The following SORCS2 variants were observed in gnomAD, a reference collection of about 807,000 sequenced individuals.
SORCS2 encodes VPS10 domain-containing receptor SorCS2.
A neutral mutation model predicts 141.6 loss-of-function variants in SORCS2; 100 were observed. That is an observed-to-expected ratio of 0.71 (90% CI 0.60 to 0.83). The LOEUF (loss-of-function observed/expected upper bound fraction) is 0.83. Among genes scored for constraint, SORCS2 ranks in the 40% least tolerant of loss-of-function variants. The probability of loss-of-function intolerance (pLI) is 0.00; values close to 1 mark genes in which losing one functional copy is unlikely to be tolerated. For synonymous variants in SORCS2, 789 were observed against 676.9 expected (o/e 1.17, Z -2.57); for missense variants, 1,646 against 1,560.2 (o/e 1.05, Z -0.93).
At position 7,704,295 on chromosome 4, in the gene SORCS2, G is replaced by T. The variant is rs1280282854; in HGVS notation, c.1868+11G>T. On this transcript the variant is annotated intron_variant, in intron 14 of 26. Coordinates refer to ENST00000507866, the MANE Select transcript of SORCS2 (RefSeq NM_020777.3). ...GACGCTGGTCATGACGTGAGTGCGG[G>T]GACCGGGGAGTGGGCACTGGTGGCA... 12 of 1,600,094 alleles carry T rather than the reference G, an allele frequency of 7.5e-6. No individual in the cohort carries two copies. The highest frequency in any genetic ancestry group is 9.4e-6 in the Non-Finnish European group (11 of 1,173,194).
intron 1 of SORCS2, among the ~76,000 whole-genome samples, chr4:7,216,556 A>T (rs1728361556): frequency 6.6e-6 from 1 of 151,928 alleles, no homozygotes; most frequent in South Asian, 2.1e-4. Flanking sequence ...TCCAGGGGAG[A>T]TTGCCTGTCT....
intron 1 of SORCS2, among the ~76,000 whole-genome samples, chr4:7,370,219 T>A (rs1007402449): frequency 6.6e-6 from 1 of 152,200 alleles, no homozygotes; most frequent in African/African-American, 2.4e-5. Flanking sequence ...GGCAAGGCGC[T>A]TGGGCTCCCT....
intron 3 of SORCS2, among the ~76,000 whole-genome samples, chr4:7,633,641 A>G (rs545102748): frequency 2.6e-5 from 4 of 152,316 alleles, no homozygotes; most frequent in African/African-American, 9.6e-5. Flanking sequence ...TAAGTGGATG[A>G]GTTTTTTCTA....
chr4:7,434,346 C>T (rs61740031), intron 2 of SORCS2: 287,073 of 1,608,060 alleles, frequency 0.18, 26,783 homozygotes, highest in Middle Eastern at 0.29. Context: ...CTCCTTCAGG[C>T]GCCTGGCGGG....
chr4:7,724,169 G>GTGGTGGTGGTGATGGTGA (rs1726834299), intron 19 of SORCS2, among the ~76,000 whole-genome samples: 5 of 147,474 alleles, frequency 3.4e-5, no homozygotes, highest in South Asian at 2.2e-4. Flanking sequence ...GGTGATGGTG[G>GTGGTGGTGGTGATGGTGA]TGATGGTGAT....
chr4:7,716,668 CTATT>C (rs1325661259), intron 17 of SORCS2, among the ~76,000 whole-genome samples: 18 of 140,064 alleles, frequency 1.3e-4, no homozygotes, highest in African/African-American at 2.1e-4. Flanking sequence ...CACCATCTAT[CTATT>C]CATTCATTCA....
chr4:7,694,513 C>A (rs1308906888), intron 11 of SORCS2, among the ~76,000 whole-genome samples: 1 of 152,134 alleles, frequency 6.6e-6, no homozygotes, highest in African/African-American at 2.4e-5. Flanking sequence ...CAGACGTGTG[C>A]ACATTTGAAA....
intron 2 of SORCS2, among the ~76,000 whole-genome samples, chr4:7,435,366 G>A (rs1211451031): frequency 6.6e-6 from 1 of 152,200 alleles, no homozygotes; most frequent in Non-Finnish European, 1.5e-5. Flanking sequence ...GCTGAAGATC[G>A]AGTGTTCCCA....
chr4:7,646,147 C>A (rs57589146), intron 4 of SORCS2, among the ~76,000 whole-genome samples: 1 of 152,196 alleles, frequency 6.6e-6, no homozygotes, highest in African/African-American at 2.4e-5. Context: ...GCGGCTTAGC[C>A]GAGGAGCAGG....
At chr4:7,323,474 G>T (rs1038927137) in intron 1 of SORCS2, among the ~76,000 whole-genome samples, 2 of 152,164 alleles carry the variant, frequency 1.3e-5, no homozygotes, top group African/African-American at 4.8e-5. Context: ...TGATCCTGAG[G>T]AGACCACGTT....
Position 7,193,026 on chromosome 4 carries a change from C to T in SORCS2, c.380C>T (p.Ala127Val). The change falls in exon 1 of 27, where the codon GCT (alanine) becomes GTT (valine). Residue 127 changes from alanine to valine, a missense_variant. By Grantham distance (64) the Ala-to-Val change is moderately conservative (BLOSUM62 0). Coordinates refer to ENST00000507866, the MANE Select transcript of SORCS2 (RefSeq NM_020777.3). This position sits in a 1 kb window ranked among gnomAD's most constrained non-coding sequence, Gnocchi z 4.8. The part of the protein sequence containing the change: ...WERAAPLAGV[A>V]SRAQVSLIST... The stretch of plus-strand genomic sequence containing the variant: ...CGGGCGGCGCCGCTGGCCGGAGTGG[C>T]TTCGCGGGCGCAGGTCTCGCTCATC... 1 of 1,503,780 alleles carries T rather than the reference C, an allele frequency of 6.6e-7. No individual in the cohort carries two copies. Among genetic ancestry groups the T allele is most frequent in the Non-Finnish European group, 8.8e-7 (1 of 1,135,722 alleles). The allele number at this position is 1,503,780 out of a possible 1,614,324, so 93.2% of individuals were successfully genotyped here.
At chr4:7,393,300 C>G (rs904119556) in intron 1 of SORCS2, among the ~76,000 whole-genome samples, 2 of 152,154 alleles carry the variant, frequency 1.3e-5, no homozygotes, top group Non-Finnish European at 2.9e-5. Context: ...CTCACATTCC[C>G]GATTTTTCTC....
intron 2 of SORCS2, among the ~76,000 whole-genome samples, chr4:7,417,808 C>T (rs965841557): frequency 1.3e-5 from 2 of 152,282 alleles, no homozygotes; most frequent in African/African-American, 2.4e-5. Context: ...GAGTGAGAAG[C>T]GGAGGCCTCT....
At chr4:7,228,162 G>A (rs79317414) in intron 1 of SORCS2, among the ~76,000 whole-genome samples, 7 of 152,160 alleles carry the variant, frequency 4.6e-5, no homozygotes, top group Non-Finnish European at 5.9e-5. Flanking sequence ...CCGAGGCCCC[G>A]CTCCTTGGCT....
chr4:7,349,268 A>T (rs1720807415), intron 1 of SORCS2, among the ~76,000 whole-genome samples: 1 of 152,150 alleles, frequency 6.6e-6, no homozygotes, highest in Non-Finnish European at 1.5e-5. Context: ...TAGGGAGCAG[A>T]AGGCCCCTCT....
At chr4:7,400,770 T>TGGATGG (rs1449658715) in intron 2 of SORCS2, among the ~76,000 whole-genome samples, 1 of 138,352 alleles carries the variant, frequency 7.2e-6, no homozygotes, top group Non-Finnish European at 1.6e-5. Flanking sequence ...TGGATGGATG[T>TGGATGG]ATGGATGGAT....
intron 1 of SORCS2, among the ~76,000 whole-genome samples, chr4:7,350,414 C>A (rs1720871106): frequency 6.6e-6 from 1 of 152,246 alleles, no homozygotes; most frequent in Admixed American, 6.5e-5. Flanking sequence ...AATACATAGA[C>A]AGCTGGATCT....
intron 1 of SORCS2, among the ~76,000 whole-genome samples, chr4:7,392,908 G>T (rs865827262): frequency 0.012 from 1,896 of 151,864 alleles, 55 homozygotes; most frequent in African/African-American, 0.043. Context: ...CGGGGGGGGG[G>T]GGGTGCTGCG....
At chr4:7,515,529 G>A (rs1211006463) in intron 2 of SORCS2, among the ~76,000 whole-genome samples, 2 of 152,204 alleles carry the variant, frequency 1.3e-5, no homozygotes, top group Non-Finnish European at 2.9e-5. Flanking sequence ...CCGGATGGAG[G>A]AGGAGGAGCA....
Sources: allele counts gnomAD v4.1 joint callset (sites outside exome capture counted in the v4.1 genomes callset), GRCh38; gene constraint gnomAD v4.1.1; non-coding constraint Gnocchi (gnomAD v3.1); transcripts MANE v1.5; gene names NCBI Gene and HGNC (gene_info 2026-07-23, HGNC 2026-07-21).